HSPH1: variants seen among roughly 807,000 people sequenced by gnomAD.
The protein encoded by HSPH1 is heat shock protein family H (Hsp110) member 1.
In HSPH1, 40 loss-of-function variants were observed where a neutral mutation model predicts 100.0. That is an observed-to-expected ratio of 0.40 (90% confidence interval 0.31 to 0.52). The LOEUF is 0.52. Ranked by LOEUF, HSPH1 falls within the 20% of genes least tolerant of loss-of-function variation. The pLI is 0.54. For missense variants in HSPH1, 876 were observed against 1,015.1 expected, an observed-to-expected ratio of 0.86 and a Z score of 1.86; for synonymous variants, 403 against 344.0, an observed-to-expected ratio of 1.17 and a Z score of -1.90.
intron 8 of HSPH1, among the ~76,000 whole-genome samples, chr13:31,149,019 G>A (rs113756227): frequency 6.6e-6 from 1 of 152,056 alleles, no homozygotes; most frequent in African/African-American, 2.4e-5. Flanking sequence ...CTAAATAGAT[G>A]ATTAAGCTAA....
Position 31,137,264 on chromosome 13 carries a change from A to G in HSPH1, c.*54T>C, listed in dbSNP as rs1955913385. 1 of 1,103,354 alleles carries G rather than the reference A, an allele frequency of 9.1e-7. No homozygotes were observed. The highest frequency in any genetic ancestry group is 1.4e-6 in the Non-Finnish European group (1 of 737,300). 68.3% of individuals were successfully genotyped at this position (1,103,354 alleles called of 1,614,324 possible). A position where few individuals can be genotyped will look rare whatever the true frequency, so the allele number is the denominator to read the frequency against. On this transcript the variant is annotated 3_prime_UTR_variant, in exon 18 of 18. Coordinates refer to ENST00000320027, the MANE Select transcript of HSPH1 (RefSeq NM_006644.4). The stretch of plus-strand genomic sequence containing the variant: ...GTTTCAGTATGTTATGTAGAGTCAC[A>G]TACTATGGCAAAAATATTTTATTAA...
chr13:31,141,862 T>C (rs1481290763), intron 12 of HSPH1, among the ~76,000 whole-genome samples: 1 of 151,804 alleles, frequency 6.6e-6, no homozygotes, highest in Non-Finnish European at 1.5e-5. Context: ...TTGTATCATT[T>C]CTCATAAGCA....
intron 4 of HSPH1, chr13:31,154,106 T>G (rs1240345139): frequency 5.7e-6 from 1 of 175,930 alleles, no homozygotes; most frequent in Non-Finnish European, 1.2e-5. Flanking sequence ...GACACCTGGG[T>G]GAGCAGAATT....
Position 31,139,472 on chromosome 13 carries a change from T to C in HSPH1, c.1981-365A>G, listed in dbSNP as rs146212487. Reference sequence around the variant, plus strand: ...AAATCATTCCTAACCGGTTCATGTATGGTATGACTTCTACTGTAGCCCTGG... The same window carrying C: ...AAATCATTCCTAACCGGTTCATGTACGGTATGACTTCTACTGTAGCCCTGG... On this transcript the variant is annotated intron_variant, in intron 14 of 17. Coordinates refer to ENST00000320027, the MANE Select transcript of HSPH1 (RefSeq NM_006644.4). 4.6e-5 allele frequency among the ~76,000 whole-genome samples: 7 copies of C among 152,168 alleles called. No individual in the cohort carries two copies. In the East Asian group the frequency reaches 1.2e-3, roughly 25 times the overall value.
Position 31,138,457 on chromosome 13 carries a change from G to A in HSPH1, c.2320C>T (p.Leu774Phe). 6.2e-7 allele frequency: 1 copy of A among 1,613,178 alleles called. No individual in the cohort carries two copies. Among genetic ancestry groups the A allele is most frequent in the Non-Finnish European group, 8.5e-7 (1 of 1,179,404 alleles). Residue 774 changes from leucine (L) to phenylalanine (F), a missense_variant, in exon 17 of 18, where the codon CTT (leucine) becomes TTT (phenylalanine). Coordinates refer to ENST00000320027, the MANE Select transcript of HSPH1 (RefSeq NM_006644.4). ...GCACGTACAACTGGATCCTGATCAA[G>A]ACTCTTTTTAGCCTGAGCATTCATG... is the stretch of plus-strand genomic sequence containing the variant. ...NVMNAQAKKS[L>F]DQDPVVRAQE...
intron 4 of HSPH1, among the ~76,000 whole-genome samples, chr13:31,153,690 C>T (rs1446018945): frequency 7.9e-5 from 12 of 152,072 alleles, no homozygotes; most frequent in African/African-American, 1.9e-4. Context: ...GAGTTTAGTA[C>T]GGTGATTTTT....
intron 1 of HSPH1, among the ~76,000 whole-genome samples, chr13:31,160,242 T>A (rs968309426): frequency 6.6e-6 from 1 of 152,240 alleles, no homozygotes; most frequent in Non-Finnish European, 1.5e-5. Flanking sequence ...GTTTTCTTTC[T>A]TACTAAACTC....
intron 6 of HSPH1, 119 bp downstream of exon 6, chr13:31,151,490 C>T (rs1209836220): frequency 1.0e-6 from 1 of 952,446 alleles, no homozygotes; most frequent in Non-Finnish European, 1.5e-6. Context: ...CTGTTAACAT[C>T]TTTACCTAAA....
intron 13 of HSPH1, 35 bp from the exon 14 acceptor site, chr13:31,140,344 C>A: frequency 1.3e-6 from 2 of 1,589,504 alleles, no homozygotes; most frequent in Non-Finnish European, 1.7e-6. Flanking sequence ...TTCCAGTCTT[C>A]TAGTTAACTC....
In HSPH1 at chr13:31,141,236, C is replaced by T. The variant is rs2137546563; in HGVS notation, c.1740G>A (p.Gln580=). The change falls in exon 13 of 18, where the codon CAG becomes CAA. Residue 580 remains glutamine, a synonymous_variant. Coordinates refer to ENST00000320027, the MANE Select transcript of HSPH1 (RefSeq NM_006644.4). ...TTTTGGGCTTTTTAGCTTCTGGAGG[C>T]TGGTCAACTTTTTTTTCATTTGCCT... ...ADKANEKKVD[Q]PPEAKKPKIK... 1 of 1,604,958 alleles carries T rather than the reference C, an allele frequency of 6.2e-7. No individual in the cohort carries two copies. Among genetic ancestry groups the T allele is most frequent in the Non-Finnish European group, 8.5e-7 (1 of 1,176,212 alleles).
Position 31,148,483 on chromosome 13 carries a change from T to TAAA in HSPH1, c.1138-6_1138-4dup. On this transcript the variant is annotated splice_polypyrimidine_tract_variant and splice_region_variant and intron_variant, in intron 8 of 17. Transcript: ENST00000320027. ...AATGCCGGGGAAAGTATTGCACACT[T>TAAA]AAAAAAAAAAAAAAAAATCATGAGC... is the stretch of plus-strand genomic sequence containing the variant. The TAAA allele has an allele frequency of 2.0e-5, 20 of 985,048 alleles. No individual in the cohort carries two copies. Among genetic ancestry groups the TAAA allele is most frequent in the South Asian group, 4.7e-5 (2 of 42,394 alleles). 61.0% of individuals were successfully genotyped at this position (985,048 alleles called of 1,614,324 possible).
At chr13:31,145,821 CTA>C (rs1225678319) in intron 10 of HSPH1, 53 bp from the exon 11 acceptor site, 1 of 1,567,434 alleles carries the variant, frequency 6.4e-7, no homozygotes, top group African/African-American at 1.4e-5. Flanking sequence ...AGAATTAAGT[CTA>C]AATCTCTGTA....
In HSPH1 at chr13:31,161,587, G is replaced by A. The variant is rs780663114; in HGVS notation, c.-5C>T. On this transcript the variant is annotated 5_prime_UTR_variant, in exon 1 of 18. Coordinates refer to ENST00000320027, the MANE Select transcript of HSPH1 (RefSeq NM_006644.4). ...GTCCAACCCCACCACCGACATGGCCGGCTCGCGGTCCGCCTCCGCCTCGGG... is the reference window on the plus strand; with the variant it reads ...GTCCAACCCCACCACCGACATGGCCAGCTCGCGGTCCGCCTCCGCCTCGGG... The A allele has an allele frequency of 3.7e-6, 6 of 1,612,458 alleles. No homozygotes were observed. Among genetic ancestry groups the A allele is most frequent in the South Asian group, 3.3e-5 (3 of 91,038 alleles).
Position 31,152,931 on chromosome 13 carries a change from A to G in HSPH1, c.450T>C (p.Asp150=), listed in dbSNP as rs779017822. 6.2e-7 allele frequency: 1 copy of G among 1,612,262 alleles called. No homozygotes were observed. The highest frequency in any genetic ancestry group is 8.5e-7 in the Non-Finnish European group (1 of 1,178,602). The change falls in exon 5 of 18, where the codon GAT becomes GAC. Residue 150 remains aspartate, a synonymous_variant. Coordinates refer to ENST00000320027, the MANE Select transcript of HSPH1 (RefSeq NM_006644.4). ...CVISVPSFFT[D]AERRSVLDAA... ...CATCTAACACAGATCGCCTCTCAGCATCTGTAAAGAAGGAGGGGACCTACA... is the reference window on the plus strand; with the variant it reads ...CATCTAACACAGATCGCCTCTCAGCGTCTGTAAAGAAGGAGGGGACCTACA...
Position 31,161,762 on chromosome 13 carries a change from T to C in HSPH1, c.-180A>G. ...CCGCGGCCTGTCAGGAGCCTCCTAC[T>C]CCCCCGGGGACAGCGGCGGCTGGCT... is the stretch of plus-strand genomic sequence containing the variant. On this transcript the variant is annotated 5_prime_UTR_variant, in exon 1 of 18. Transcript: ENST00000320027. 2.0e-6 allele frequency: 3 copies of C among 1,518,846 alleles called. No individual in the cohort carries two copies. The highest frequency in any genetic ancestry group is 3.5e-4 in the Middle Eastern group (2 of 5,646). The allele number at this position is 1,518,846 out of a possible 1,614,324, so 94.1% of individuals were successfully genotyped here.
At chr13:31,154,779 T>C (rs542397257) in intron 3 of HSPH1, 24 bp from the exon 4 acceptor site, 5 of 1,604,038 alleles carry the variant, frequency 3.1e-6, no homozygotes, top group Non-Finnish European at 4.3e-6. Context: ...AAAAAATGTT[T>C]TAAACATTGT....
At position 31,147,135 on chromosome 13, in the gene HSPH1, A is replaced by G. The variant is rs938967642; in HGVS notation, c.1378+824T>C. ...AACATGAAAAATTAGATGCCATGCC[A>G]AAGAGCTGGGATTTTATCTTCCACA... On this transcript the variant is annotated intron_variant, in intron 10 of 17. Transcript: ENST00000320027. 2.3e-4 allele frequency among the ~76,000 whole-genome samples: 35 copies of G among 152,178 alleles called. 1 individual carries two copies. The highest frequency in any genetic ancestry group is 1.9e-3 in the Admixed American group (29 of 15,286).
At chr13:31,154,426 T>C (rs1333151216) in intron 4 of HSPH1, 1 of 607,772 alleles carries the variant, frequency 1.6e-6, no homozygotes, top group Non-Finnish European at 2.9e-6. Context: ...ACAAGAGATT[T>C]TGATTTCCAG....
At chr13:31,139,128 TA>T in intron 14 of HSPH1, 21 bp from the exon 15 acceptor site, 1 of 1,395,718 alleles carries the variant, frequency 7.2e-7, no homozygotes, top group Non-Finnish European at 1.0e-6. Flanking sequence ...AATATGACAA[TA>T]TTAGTGGCAC....
Sources: allele counts gnomAD v4.1 joint callset (sites outside exome capture counted in the v4.1 genomes callset), GRCh38; gene constraint gnomAD v4.1.1; transcripts MANE v1.5; gene names NCBI Gene and HGNC (gene_info 2026-07-23, HGNC 2026-07-21).